Variants in ME1 observed in about 807,000 individuals in gnomAD.
ME1 encodes NADP-dependent malic enzyme.
A neutral mutation model predicts 66.4 loss-of-function variants in ME1; 74 were observed. The ratio of observed to expected loss-of-function variants is 1.11; its 90% confidence interval spans 0.92 to 1.35. The LOEUF is 1.35. ME1 is among the 40% of genes most tolerant of loss of function. ME1 has a pLI of 0.00. For synonymous variants in ME1, 251 were observed against 235.6 expected, an observed-to-expected ratio of 1.07 and a Z score of -0.60; for missense variants, 750 against 694.1, an observed-to-expected ratio of 1.08 and a Z score of -0.90.
chr6:83,284,009 G>A (rs1384699628), intron 6 of ME1, among the ~76,000 whole-genome samples: 2 of 152,112 alleles, frequency 1.3e-5, no homozygotes, highest in East Asian at 3.9e-4. Context: ...CAAGGAAAAA[G>A]CAAGAAGAAC....
At chr6:83,290,515 G>T (rs1170459) in intron 6 of ME1, among the ~76,000 whole-genome samples, 68,398 of 151,798 alleles carry the variant, frequency 0.45, 16,714 homozygotes, top group African/African-American at 0.64. Flanking sequence ...ATTTCTGTTC[G>T]TTTATATTTG....
chr6:83,290,577 G>A (rs1203472026), intron 6 of ME1, among the ~76,000 whole-genome samples: 1 of 152,172 alleles, frequency 6.6e-6, no homozygotes, highest in East Asian at 1.9e-4. Flanking sequence ...AGTGTATGGT[G>A]GTGCTGAGAA....
intron 3 of ME1, among the ~76,000 whole-genome samples, chr6:83,358,476 CT>C (rs1197209528): frequency 6.6e-6 from 1 of 152,184 alleles, no homozygotes; most frequent in Non-Finnish European, 1.5e-5. Flanking sequence ...GAGTGAGAGT[CT>C]TATCTCCTGT....
At chr6:83,312,624 G>A (rs1281748645) in intron 6 of ME1, among the ~76,000 whole-genome samples, 2 of 152,190 alleles carry the variant, frequency 1.3e-5, no homozygotes, top group Admixed American at 6.5e-5. Flanking sequence ...TAGTGTCCAT[G>A]TAAGTATCTA....
chr6:83,230,036 G>A (rs572828852), intron 9 of ME1, among the ~76,000 whole-genome samples: 85 of 151,918 alleles, frequency 5.6e-4, no homozygotes, highest in African/African-American at 2.0e-3. Flanking sequence ...ATTGCCCAGG[G>A]TTGTCTCGAA....
chr6:83,416,933 T>C (rs1770171788), intron 1 of ME1, among the ~76,000 whole-genome samples: 1 of 151,732 alleles, frequency 6.6e-6, no homozygotes, highest in South Asian at 2.1e-4. Context: ...GTCTTTGTCA[T>C]AATAGAAATA....
chr6:83,364,632 C>A (rs560984882), intron 3 of ME1, among the ~76,000 whole-genome samples: 4 of 152,020 alleles, frequency 2.6e-5, no homozygotes, highest in African/African-American at 9.7e-5. Flanking sequence ...GCTTCCAGGC[C>A]AACCCAATGG....
chr6:83,415,582 T>C (rs1034318003), intron 1 of ME1, among the ~76,000 whole-genome samples: 3 of 152,222 alleles, frequency 2.0e-5, no homozygotes, highest in African/African-American at 7.2e-5. Context: ...TGTAGTTCTA[T>C]TTTGAATAAC....
chr6:83,317,372 T>A, intron 5 of ME1, among the ~76,000 whole-genome samples: 1 of 151,968 alleles, frequency 6.6e-6, no homozygotes. Flanking sequence ...CTTGAAGAGG[T>A]CCTTCACATC....
At chr6:83,387,890 C>T (rs1333926429) in intron 3 of ME1, among the ~76,000 whole-genome samples, 1 of 152,042 alleles carries the variant, frequency 6.6e-6, no homozygotes, top group Non-Finnish European at 1.5e-5. Context: ...ACCATTCGTG[C>T]AGCACATATA....
intron 6 of ME1, among the ~76,000 whole-genome samples, chr6:83,307,564 A>G (rs772095518): frequency 1.2e-4 from 18 of 152,158 alleles, no homozygotes; most frequent in Non-Finnish European, 1.8e-4. Context: ...GGTGGAATCT[A>G]AAGAGCCTCA....
rs1387084736 is a variant in ME1, at chr6:83,398,420, A to C, written c.309T>G (p.Thr103=). The change falls in exon 3 of 14, where the codon ACT becomes ACG. Residue 103 remains threonine, a synonymous_variant. Transcript: ENST00000369705. The part of the protein sequence containing the change: ...DIEKFMPIVY[T]PTVGLACQQY... ...GTTGGCAAGCCAGACCCACAGTGGG[A>C]GTATAAACAATAGGCATGAATTTCT... is the stretch of plus-strand genomic sequence containing the variant. 1 of 1,603,906 alleles carries C rather than the reference A, an allele frequency of 6.2e-7. No individual in the cohort carries two copies. Among genetic ancestry groups the C allele is most frequent in the East Asian group, 2.3e-5 (1 of 44,046 alleles).
rs552537701 is a variant in ME1, at chr6:83,324,383, A to C, written c.601-8970T>G. Among the ~76,000 whole-genome samples the C allele has an allele frequency of 5.9e-5, 9 of 152,026 alleles. No homozygotes were observed. The South Asian group carries it at 1.9e-3, about 32-fold the overall frequency. ...AAAGACATGAAAAACCCTTAAAAAAATGAATGAATCCAGGAGCTGGTTTTT... is the reference window on the plus strand; with the variant it reads ...AAAGACATGAAAAACCCTTAAAAAACTGAATGAATCCAGGAGCTGGTTTTT... On this transcript the variant is annotated intron_variant, in intron 5 of 13. Transcript: ENST00000369705.
At chr6:83,322,166 C>T (rs1300299892) in intron 5 of ME1, among the ~76,000 whole-genome samples, 1 of 152,122 alleles carries the variant, frequency 6.6e-6, no homozygotes, top group African/African-American at 2.4e-5. Context: ...ACAGGGAAGA[C>T]CAAAGGTAGA....
At chr6:83,254,173 A>G (rs530958013) in intron 6 of ME1, among the ~76,000 whole-genome samples, 24 of 152,202 alleles carry the variant, frequency 1.6e-4, no homozygotes, top group Non-Finnish European at 2.6e-4. Flanking sequence ...GGGTTTTATA[A>G]GCTGAGGAAA....
At chr6:83,308,378 G>A (rs1767863664) in intron 6 of ME1, among the ~76,000 whole-genome samples, 1 of 150,894 alleles carries the variant, frequency 6.6e-6, no homozygotes, top group African/African-American at 2.4e-5. Flanking sequence ...TTCTCATTTA[G>A]TTAATAATCA....
At chr6:83,374,862 C>T (rs1333333562) in intron 3 of ME1, among the ~76,000 whole-genome samples, 1 of 152,216 alleles carries the variant, frequency 6.6e-6, no homozygotes. Context: ...ATTCCTTTCC[C>T]CATTGCTTGT....
rs183749316 is a variant in ME1 at position 83,349,792 on chromosome 6, C to T, written c.438+2272G>A. ...AAACCTTTTACAGTAATTTGATTACCCCTTAAACAATCTTAATTCCACTAT... is the reference window on the plus strand; with the variant it reads ...AAACCTTTTACAGTAATTTGATTACTCCTTAAACAATCTTAATTCCACTAT... On this transcript the variant is annotated intron_variant, in intron 4 of 13. Transcript: ENST00000369705. Among the ~76,000 whole-genome samples the T allele has an allele frequency of 3.6e-4, 55 of 152,126 alleles. No homozygotes were observed. In the East Asian group the frequency reaches 8.7e-3, roughly 24 times the overall value.
At position 83,243,623 on chromosome 6, in the gene ME1, T is replaced by C. The variant is rs187985426; in HGVS notation, c.815-3987A>G. Among the ~76,000 whole-genome samples the C allele has an allele frequency of 3.3e-4, 34 of 102,618 alleles. 1 individual carries two copies. Among genetic ancestry groups the C allele is most frequent in the African/African-American group, 5.3e-4 (11 of 20,754 alleles). 67.3% of individuals were successfully genotyped at this position (102,618 alleles called of 152,430 possible). ...TTATAATTACATTATATCGATATAA[T>C]CTATTATAATTACATTATATCGATA... On this transcript the variant is annotated intron_variant, in intron 7 of 13. Transcript: ENST00000369705.
Sources: gnomAD v4.1 joint callset for allele counts (sites outside exome capture counted in the v4.1 genomes callset) on GRCh38, gnomAD v4.1.1 for gene constraint, MANE v1.5 for transcripts, NCBI Gene and HGNC (gene_info 2026-07-23, HGNC 2026-07-21) for gene names.